The following PHF24 variants were observed in gnomAD, a reference collection of about 807,000 sequenced individuals.
PHF24 encodes PHD finger protein 24, also known as Galpha inhibitory interacting protein.
PHF24 carries 25 observed loss-of-function variants against 42.6 expected under a neutral mutation model. The ratio of observed to expected loss-of-function variants is 0.59; its 90% CI spans 0.43 to 0.82. The LOEUF (loss-of-function observed/expected upper bound fraction) is 0.82. Ranked by LOEUF, PHF24 falls within the 40% of genes least tolerant of loss-of-function variation. The pLI is 0.00. For synonymous variants in PHF24, 185 were observed against 204.8 expected (o/e 0.90, Z 0.83); for missense variants, 470 against 538.1 (o/e 0.87, Z 1.25).
chr9:34,751,343 C>A, the PHF24 span, among the ~76,000 whole-genome samples: 1 of 151,828 alleles, frequency 6.6e-6, no homozygotes, highest in African/African-American at 2.4e-5. Flanking sequence ...CTAGCCTGGG[C>A]AACAAGAGCA....
the PHF24 span, among the ~76,000 whole-genome samples, chr9:34,773,484 C>A: frequency 6.6e-6 from 1 of 151,426 alleles, no homozygotes; most frequent in African/African-American, 2.4e-5. Context: ...TGCAAGAGTT[C>A]CCAATGACTA....
At chr9:34,700,997 T>C in the PHF24 span, among the ~76,000 whole-genome samples, 141 of 152,272 alleles carry the variant, frequency 9.3e-4, 1 homozygote, top group Middle Eastern at 0.02. Flanking sequence ...TGACCACAGG[T>C]ACAGAGGCAT....
chr9:34,834,728 T>C, the PHF24 span: 1 of 1,541,322 alleles, frequency 6.5e-7, no homozygotes, highest in Non-Finnish European at 8.8e-7. Flanking sequence ...CTGTAGCAGG[T>C]GCCACTCCAA....
At chr9:34,796,623 C>T in the PHF24 span, among the ~76,000 whole-genome samples, 22 of 152,200 alleles carry the variant, frequency 1.4e-4, no homozygotes, top group African/African-American at 5.1e-4. Flanking sequence ...AGATCATGCA[C>T]CATTTGGAAA....
the PHF24 span, among the ~76,000 whole-genome samples, chr9:34,777,953 G>A: frequency 6.6e-6 from 1 of 152,226 alleles, no homozygotes; most frequent in Non-Finnish European, 1.5e-5. Context: ...GCAGAAGTCT[G>A]TGGTGGTAAT....
exon 8 of PHF24, chr9:34,978,358 A>G (rs1827280011): frequency 3.8e-6 from 2 of 524,800 alleles, no homozygotes; most frequent in East Asian, 3.2e-5. Context: ...CCTGCCCCAC[A>G]TCATAGACGG....
chr9:34,797,010 T>C, the PHF24 span, among the ~76,000 whole-genome samples: 2 of 152,332 alleles, frequency 1.3e-5, no homozygotes, highest in African/African-American at 4.8e-5. Context: ...ATTAAAAGAA[T>C]ACACCCAACA....
At chr9:34,895,516 A>G in the PHF24 span, 1 of 398,510 alleles carries the variant, frequency 2.5e-6, no homozygotes, top group Non-Finnish European at 4.4e-6. Context: ...AACAAGAGAA[A>G]GCTCGGGGAT....
chr9:34,920,851 A>G, the PHF24 span, among the ~76,000 whole-genome samples: 1 of 152,142 alleles, frequency 6.6e-6, no homozygotes, highest in South Asian at 2.1e-4. Context: ...GTTGATTTGT[A>G]CTCTGCCACT....
the PHF24 span, among the ~76,000 whole-genome samples, chr9:34,936,988 C>A: frequency 6.9e-6 from 1 of 145,628 alleles, no homozygotes; most frequent in Non-Finnish European, 1.5e-5. Context: ...GGGGGTCAGC[C>A]CCCGCCAGGC....
At chr9:34,726,661 G>A in the PHF24 span, 4 of 1,551,748 alleles carry the variant, frequency 2.6e-6, no homozygotes, top group Non-Finnish European at 3.5e-6. Context: ...AATCTTGTAT[G>A]CCATCTGCAT....
At chr9:34,768,625 C>T in the PHF24 span, among the ~76,000 whole-genome samples, 1 of 152,094 alleles carries the variant, frequency 6.6e-6, no homozygotes, top group Non-Finnish European at 1.5e-5. Flanking sequence ...ACGTTGGTGG[C>T]TATAATAGAA....
the PHF24 span, among the ~76,000 whole-genome samples, chr9:34,916,020 A>C: frequency 6.6e-6 from 1 of 152,004 alleles, no homozygotes; most frequent in Admixed American, 6.5e-5. Flanking sequence ...TTCGGCACTC[A>C]TTGTCTCTCC....
intron 7 of PHF24, 107 bp from the exon 8 acceptor site, chr9:34,977,908 G>T (rs1033705180): frequency 1.1e-6 from 1 of 885,470 alleles, no homozygotes; most frequent in Non-Finnish European, 1.9e-6. Context: ...CTGGGATCAG[G>T]GCTCACGCGT....
chr9:34,783,313 A>C, the PHF24 span, among the ~76,000 whole-genome samples: 3 of 152,152 alleles, frequency 2.0e-5, no homozygotes, highest in Non-Finnish European at 2.9e-5. Flanking sequence ...ATTAAAATCC[A>C]TCCTCTCTTC....
the PHF24 span, chr9:34,893,124 C>T: frequency 1.2e-6 from 1 of 811,186 alleles, no homozygotes; most frequent in Non-Finnish European, 1.8e-6. Context: ...ATTCGCCGCA[C>T]ACTTCCTTCC....
chr9:34,735,002 C>G, the PHF24 span, among the ~76,000 whole-genome samples: 1 of 152,190 alleles, frequency 6.6e-6, no homozygotes, highest in Non-Finnish European at 1.5e-5. Context: ...AAACACAGCT[C>G]AGCTCCTGAC....
chr9:34,737,501 C>T, the PHF24 span, among the ~76,000 whole-genome samples: 1 of 152,148 alleles, frequency 6.6e-6, no homozygotes, highest in South Asian at 2.1e-4. Flanking sequence ...TGCTGCTATG[C>T]ACATTTGTAT....
chr9:34,807,446 A>T, the PHF24 span, among the ~76,000 whole-genome samples: 1 of 152,244 alleles, frequency 6.6e-6, no homozygotes, highest in East Asian at 1.9e-4. Context: ...CTAAAAAAAG[A>T]TTCAAGAAAA....
Sources: gnomAD v4.1 joint callset for allele counts (sites outside exome capture counted in the v4.1 genomes callset) on GRCh38, gnomAD v4.1.1 for gene constraint, MANE v1.5 for transcripts, NCBI Gene and HGNC (gene_info 2026-07-23, HGNC 2026-07-21) for gene names.